The following PCNX1 variants were observed in gnomAD, a reference collection of about 807,000 sequenced individuals.
The protein encoded by PCNX1 is pecanex-like protein 1.
Under a neutral mutation model 242.2 loss-of-function variants are expected in PCNX1, and 78 were observed. That is an observed-to-expected ratio of 0.32 (90% CI 0.27 to 0.39). PCNX1 has a LOEUF of 0.39. Ranked by LOEUF, PCNX1 falls within the 10% of genes least tolerant of loss-of-function variation. The pLI is 1.00. For missense variants in PCNX1, 2,581 were observed against 2,856.5 expected, an observed-to-expected ratio of 0.90 and a Z score of 2.20; for synonymous variants, 1,024 against 1,032.9, an observed-to-expected ratio of 0.99 and a Z score of 0.17.
chr14:70,925,434 G>C (rs1253979294), intron 1 of PCNX1, among the ~76,000 whole-genome samples: 3 of 151,762 alleles, frequency 2.0e-5, no homozygotes, highest in Non-Finnish European at 2.9e-5. Flanking sequence ...TACTGTTTTT[G>C]TTTGAAAAAT....
intron 10 of PCNX1, 57 bp downstream of exon 10, chr14:71,011,606 G>A (rs2059822913): frequency 2.0e-6 from 2 of 1,006,370 alleles, no homozygotes; most frequent in Non-Finnish European, 3.1e-6. Context: ...TCTGAAATAT[G>A]TATTTACATA....
At chr14:71,039,002 C>T (rs1396492915) in intron 19 of PCNX1, among the ~76,000 whole-genome samples, 1 of 151,210 alleles carries the variant, frequency 6.6e-6, no homozygotes, top group African/African-American at 2.4e-5. Context: ...TATTCTCACT[C>T]ATAGGTGGGA....
chr14:70,912,193 C>T (rs1014297382), intron 1 of PCNX1, among the ~76,000 whole-genome samples: 4 of 151,700 alleles, frequency 2.6e-5, no homozygotes, highest in Middle Eastern at 3.2e-3. Flanking sequence ...CAAGATTGTG[C>T]CACTGCACTC....
At position 71,110,909 on chromosome 14, in the gene PCNX1, T is replaced by A. The variant is rs45572740; in HGVS notation, c.*974T>A. 9.0e-3 allele frequency: 1,376 copies of A among 152,762 alleles called. 10 individuals carry two copies. The highest frequency in any genetic ancestry group is 0.012 in the Non-Finnish European group (844 of 68,028). 9.5% of individuals were successfully genotyped at this position (152,762 alleles called of 1,614,324 possible). A position where few individuals can be genotyped will look rare whatever the true frequency, so the allele number is the denominator to read the frequency against. On this transcript the variant is annotated 3_prime_UTR_variant, in exon 36 of 36. Coordinates refer to ENST00000304743, the MANE Select transcript of PCNX1 (RefSeq NM_014982.3). Reference sequence around the variant, plus strand: ...AAGAAGAAGATGAATGTCCAGGAATTTAAAGAAAGGATCGATTGCCTTTTA... The same window carrying A: ...AAGAAGAAGATGAATGTCCAGGAATATAAAGAAAGGATCGATTGCCTTTTA...
intron 11 of PCNX1, among the ~76,000 whole-genome samples, chr14:71,017,228 G>A (rs780981485): frequency 3.9e-5 from 6 of 152,184 alleles, no homozygotes; most frequent in Admixed American, 6.5e-5. Flanking sequence ...AGTGGAAATT[G>A]TAGTTTAGAA....
chr14:71,008,655 C>CAAAAA (rs777494885), intron 8 of PCNX1, among the ~76,000 whole-genome samples: 1 of 32,736 alleles, frequency 3.1e-5, no homozygotes, highest in Non-Finnish European at 7.7e-5. Context: ...GACTCTGTCT[C>CAAAAA]AAAAAAAAAA....
Position 70,988,708 on chromosome 14 carries a change from T to C in PCNX1, c.2444+9T>C, listed in dbSNP as rs745833525. The C allele has an allele frequency of 1.2e-4, 185 of 1,608,406 alleles. 2 individuals are homozygous for C. In the Middle Eastern group the frequency reaches 1.2e-3, roughly 10 times the overall value. The stretch of plus-strand genomic sequence containing the variant: ...ATCGGATCACCCCTAAGGTATGGTA[T>C]TTTCAATTCCACCAAGTTTAGCATG... On this transcript the variant is annotated intron_variant, in intron 7 of 35. Transcript: ENST00000304743.
intron 15 of PCNX1, chr14:71,027,083 G>A (rs2060262027): frequency 2.2e-6 from 1 of 448,180 alleles, no homozygotes; most frequent in Non-Finnish European, 3.9e-6. Context: ...TTTAGAGAAA[G>A]AGCCAGGTAT....
chr14:70,941,286 T>G (rs2057230439), intron 1 of PCNX1, among the ~76,000 whole-genome samples: 1 of 152,258 alleles, frequency 6.6e-6, no homozygotes, highest in African/African-American at 2.4e-5. Context: ...TCTTTGATGA[T>G]GGTGACCTAC....
chr14:71,041,262 G>T (rs183100154), intron 19 of PCNX1, among the ~76,000 whole-genome samples: 142 of 152,162 alleles, frequency 9.3e-4, no homozygotes, highest in Non-Finnish European at 1.7e-3. Flanking sequence ...ACTGTTCTCC[G>T]TAGTGGTTGT....
intron 33 of PCNX1, among the ~76,000 whole-genome samples, chr14:71,107,049 A>G (rs918511115): frequency 9.9e-5 from 15 of 151,894 alleles, no homozygotes; most frequent in Admixed American, 9.8e-4. Context: ...GTATGCTTTT[A>G]TTAATTTCCC....
intron 24 of PCNX1, among the ~76,000 whole-genome samples, chr14:71,052,754 C>T (rs1168471082): frequency 6.6e-6 from 1 of 151,922 alleles, no homozygotes; most frequent in African/African-American, 2.4e-5. Context: ...TTGTAATGAC[C>T]ATCTTTGTGC....
chr14:71,050,620 T>C lies in PCNX1; in HGVS notation c.4339-32T>C. On this transcript the variant is annotated intron_variant, in intron 22 of 35. Coordinates refer to ENST00000304743, the MANE Select transcript of PCNX1 (RefSeq NM_014982.3). Reference sequence around the variant, plus strand: ...TCAAATATCTGATAAGTTTTTTTTTTTTTACTGACAGCCATTCTTTTCCTC... The same window carrying C: ...TCAAATATCTGATAAGTTTTTTTTTCTTTACTGACAGCCATTCTTTTCCTC... 5 of 1,546,458 alleles carry C rather than the reference T, an allele frequency of 3.2e-6. No individual in the cohort carries two copies. The South Asian group carries it at 3.7e-5, about 11-fold the overall frequency.
chr14:71,013,538 T>C (rs1319961490), intron 11 of PCNX1, among the ~76,000 whole-genome samples: 1 of 124,574 alleles, frequency 8.0e-6, no homozygotes, highest in Non-Finnish European at 2.0e-5. Flanking sequence ...ATAACAGTTA[T>C]AAGAGGAAAC....
chr14:71,032,058 A>G, intron 16 of PCNX1: 1 of 718,690 alleles, frequency 1.4e-6, no homozygotes, highest in Non-Finnish European at 2.4e-6. Flanking sequence ...TTAATAGACA[A>G]AGAAGAAGAG....
At chr14:71,103,291 T>C (rs1214032761) in intron 31 of PCNX1, 104 bp from the exon 32 acceptor site, 8 of 1,265,792 alleles carry the variant, frequency 6.3e-6, no homozygotes, top group Non-Finnish European at 7.8e-6. Flanking sequence ...TTTTCACAAC[T>C]GGTTATCATA....
chr14:70,988,475 A>C, intron 6 of PCNX1, 92 bp from the exon 7 acceptor site: 1 of 1,332,072 alleles, frequency 7.5e-7, no homozygotes, highest in East Asian at 2.3e-5. Flanking sequence ...CACTTTACCC[A>C]TGAGGGTGGG....
At chr14:70,967,816 A>T (rs1312209856) in intron 3 of PCNX1, among the ~76,000 whole-genome samples, 1 of 152,182 alleles carries the variant, frequency 6.6e-6, no homozygotes, top group East Asian at 1.9e-4. Context: ...AAGAAGTCTA[A>T]ATTTATTTCA....
At chr14:71,024,534 C>G (rs2060189088) in intron 13 of PCNX1, among the ~76,000 whole-genome samples, 1 of 151,588 alleles carries the variant, frequency 6.6e-6, no homozygotes, top group South Asian at 2.1e-4. Context: ...TTCACCCTGT[C>G]TTATGGTGCT....
Sources: allele counts gnomAD v4.1 joint callset (sites outside exome capture counted in the v4.1 genomes callset), GRCh38; gene constraint gnomAD v4.1.1; transcripts MANE v1.5; gene names NCBI Gene and HGNC (gene_info 2026-07-23, HGNC 2026-07-21).